WDR27: variants seen among roughly 807,000 people sequenced by gnomAD.
WDR27 encodes the protein WD repeat domain 27.
A neutral mutation model predicts 114.4 loss-of-function variants in WDR27; 100 were observed. That is an observed-to-expected ratio of 0.87 (90% CI 0.74 to 1.03). WDR27 has a LOEUF of 1.03. Ranked by LOEUF, WDR27 falls within the 50% of genes least tolerant of loss-of-function variation. The pLI, the probability that WDR27 is intolerant of heterozygous loss-of-function variation, is 0.00. For missense variants in WDR27, 1,129 were observed against 1,092.9 expected, an observed-to-expected ratio of 1.03 and a Z score of -0.47; for synonymous variants, 449 against 423.1, an observed-to-expected ratio of 1.06 and a Z score of -0.75.
intron 12 of WDR27, among the ~76,000 whole-genome samples, chr6:169,658,672 G>A (rs981234084): frequency 1.3e-5 from 2 of 151,346 alleles, no homozygotes; most frequent in South Asian, 4.2e-4. Context: ...AGCATTGGCA[G>A]AGCTCCGAGT....
chr6:169,675,524 C>T (rs1467825125), intron 2 of WDR27, among the ~76,000 whole-genome samples: 3 of 152,206 alleles, frequency 2.0e-5, no homozygotes, highest in East Asian at 3.9e-4. Flanking sequence ...AGAACATGTA[C>T]CCAAGGTGGT....
chr6:169,452,100 T>G, the WDR27 span, among the ~76,000 whole-genome samples: 4 of 152,240 alleles, frequency 2.6e-5, no homozygotes, highest in African/African-American at 9.6e-5. Context: ...GCAAACTGCA[T>G]GGATTTGTTC....
chr6:169,499,200 C>G (rs1790790604), intron 25 of WDR27, among the ~76,000 whole-genome samples: 1 of 152,228 alleles, frequency 6.6e-6, no homozygotes, highest in African/African-American at 2.4e-5. Flanking sequence ...TCAAATCCAG[C>G]CAAGCCTCCT....
chr6:169,544,511 T>C (rs1465123979), intron 25 of WDR27, among the ~76,000 whole-genome samples: 1 of 151,842 alleles, frequency 6.6e-6, no homozygotes. Context: ...CCATCTTGGC[T>C]CACTGCAACC....
At position 169,660,749 on chromosome 6, in the gene WDR27, G is replaced by T; in HGVS notation, c.1043C>A (p.Thr348Asn). Residue 348 changes from threonine to asparagine, a missense_variant, in exon 10 of 26, where the codon ACC becomes AAC. Transcript: ENST00000448612. ...TGAGCTTCCGATCCACACACATCGGGTGTTCTCAGAAGAAAGACTGATTTA... is the reference window on the plus strand; with the variant it reads ...TGAGCTTCCGATCCACACACATCGGTTGTTCTCAGAAGAAAGACTGATTTA... ...SACGCLSSEN[T>N]RCVWIGSSVG... 3 of 1,613,672 alleles carry T rather than the reference G, an allele frequency of 1.9e-6. No homozygotes were observed.
chr6:169,633,188 T>C, intron 20 of WDR27, 120 bp from the exon 21 acceptor site: 1 of 1,111,774 alleles, frequency 9.0e-7, no homozygotes, highest in Non-Finnish European at 1.2e-6. Context: ...GGATGACTAG[T>C]TAAGAATTTC....
At chr6:169,474,028 T>C (rs1401620199) in intron 25 of WDR27, among the ~76,000 whole-genome samples, 7 of 152,228 alleles carry the variant, frequency 4.6e-5, no homozygotes. Context: ...AGCAGTAGGC[T>C]GAAAGGCAAG....
rs376587997 is a variant in WDR27, at chr6:169,636,398, A to G, written c.1976T>C (p.Ile659Thr). The change falls in exon 19 of 26, where the codon ATT becomes ACT. Residue 659 changes from isoleucine (I) to threonine (T), a missense_variant. Transcript: ENST00000448612. ...CTTAATCTCATCTTTGCAAGTGTCA[A>G]TGTGATACCTCAGTAGCTGAAATTC... is the stretch of plus-strand genomic sequence containing the variant. ...GPEFQLLRYH[I>T]DTCKDEIKRY... The G allele has an allele frequency of 2.7e-5, 43 of 1,613,822 alleles. No homozygotes were observed. Among genetic ancestry groups the G allele is most frequent in the African/African-American group, 5.3e-5 (4 of 74,920 alleles).
chr6:169,614,632 G>A (rs1811365029), intron 21 of WDR27, among the ~76,000 whole-genome samples: 1 of 151,036 alleles, frequency 6.6e-6, no homozygotes, highest in African/African-American at 2.4e-5. Flanking sequence ...AAGTTGCAGT[G>A]AGCCAAGATC....
intron 23 of WDR27, among the ~76,000 whole-genome samples, chr6:169,588,709 G>A (rs1019318101): frequency 5.3e-5 from 8 of 152,208 alleles, no homozygotes; most frequent in Non-Finnish European, 8.8e-5. Flanking sequence ...ACTCCTAACA[G>A]GTTCCCAGGT....
At chr6:169,471,305 C>G (rs1378782894) in intron 25 of WDR27, among the ~76,000 whole-genome samples, 1 of 152,046 alleles carries the variant, frequency 6.6e-6, no homozygotes, top group African/African-American at 2.4e-5. Context: ...TGTTCACAGC[C>G]AATCATCATC....
At chr6:169,690,687 G>A (rs554733342) in intron 1 of WDR27, among the ~76,000 whole-genome samples, 1 of 152,194 alleles carries the variant, frequency 6.6e-6, no homozygotes, top group African/African-American at 2.4e-5. Context: ...GACAGGAATT[G>A]CATAGAAAGA....
chr6:169,529,786 T>C (rs1264466657), intron 25 of WDR27, among the ~76,000 whole-genome samples: 1 of 152,222 alleles, frequency 6.6e-6, no homozygotes, highest in Non-Finnish European at 1.5e-5. Context: ...AATTACATTG[T>C]ATCTTTTCCC....
chr6:169,510,299 C>A (rs1433955108), intron 25 of WDR27, among the ~76,000 whole-genome samples: 5 of 152,076 alleles, frequency 3.3e-5, no homozygotes, highest in East Asian at 1.9e-4. Flanking sequence ...CCAAAGGATT[C>A]TAAATCATGC....
intron 25 of WDR27, among the ~76,000 whole-genome samples, chr6:169,466,498 C>T (rs1262143939): frequency 6.6e-6 from 1 of 152,192 alleles, no homozygotes; most frequent in South Asian, 2.1e-4. Flanking sequence ...TGAGAATTCA[C>T]TCATCATCAT....
chr6:169,583,480 TATATATAC>T (rs1446771228), intron 23 of WDR27, among the ~76,000 whole-genome samples: 3 of 11,154 alleles, frequency 2.7e-4, no homozygotes, highest in African/African-American at 5.8e-4. Flanking sequence ...TGTGTGTGTG[TATATATAC>T]ATATATATAT....
At chr6:169,508,242 G>T (rs566269275) in intron 25 of WDR27, among the ~76,000 whole-genome samples, 5 of 152,212 alleles carry the variant, frequency 3.3e-5, no homozygotes, top group African/African-American at 1.2e-4. Context: ...TCAACACAGA[G>T]AATTTATTCA....
Position 169,529,177 on chromosome 6 carries a change from AAAAAAC to A in WDR27, c.2645+43236_2645+43241del, listed in dbSNP as rs1795285197. 8.5e-5 allele frequency among the ~76,000 whole-genome samples: 13 copies of A among 152,246 alleles called. No individual in the cohort carries two copies. In the South Asian group the frequency reaches 2.3e-3, roughly 27 times the overall value. ...AACTAAGGAGGTGAAAAATCAGGCT[AAAAAAC>A]AGTATTTGCACTAGAATCTCATTTC... On this transcript the variant is annotated intron_variant, in intron 25 of 25. Coordinates refer to ENST00000448612, the MANE Select transcript of WDR27 (RefSeq NM_182552.5).
At chr6:169,537,396 GTA>G (rs1451554961) in intron 25 of WDR27, among the ~76,000 whole-genome samples, 1 of 152,152 alleles carries the variant, frequency 6.6e-6, no homozygotes, top group African/African-American at 2.4e-5. Context: ...CTCTCTGAAG[GTA>G]TGATTTAGGA....
Sources: gnomAD v4.1 joint callset for allele counts (sites outside exome capture counted in the v4.1 genomes callset) on GRCh38, gnomAD v4.1.1 for gene constraint, MANE v1.5 for transcripts, NCBI Gene and HGNC (gene_info 2026-07-23, HGNC 2026-07-21) for gene names.